The following SNX29 variants were observed in gnomAD, a reference collection of about 807,000 sequenced individuals.
SNX29 encodes the protein sorting nexin-29.
SNX29 carries 78 observed loss-of-function variants against 102.1 expected under a neutral mutation model. That is an observed-to-expected ratio of 0.76 (90% CI 0.64 to 0.92). SNX29 has a LOEUF of 0.92. SNX29 is among the 40% of genes least tolerant of loss of function. The pLI is 0.00. For missense variants in SNX29, 1,280 were observed against 1,061.7 expected, an observed-to-expected ratio of 1.21 and a Z score of -2.86; for synonymous variants, 580 against 414.5, an observed-to-expected ratio of 1.40 and a Z score of -4.85.
At chr16:12,277,404 C>CA (rs2079286022) in intron 14 of SNX29, among the ~76,000 whole-genome samples, 2 of 151,758 alleles carry the variant, frequency 1.3e-5, no homozygotes, top group Non-Finnish European at 2.9e-5. Flanking sequence ...GACCCCATCT[C>CA]AAAAAAACAA....
chr16:12,394,285 C>G (rs1231037234), intron 16 of SNX29, among the ~76,000 whole-genome samples: 2 of 149,394 alleles, frequency 1.3e-5, no homozygotes, highest in Non-Finnish European at 2.9e-5. Context: ...ACTTGATCTT[C>G]TGGGCATCCC....
chr16:12,337,768 A>G (rs1273172200), intron 15 of SNX29, among the ~76,000 whole-genome samples: 1 of 152,200 alleles, frequency 6.6e-6, no homozygotes, highest in Non-Finnish European at 1.5e-5. Context: ...AGTGAGGACA[A>G]TGGCCTCATG....
intron 14 of SNX29, among the ~76,000 whole-genome samples, chr16:12,211,826 T>C (rs2077192268): frequency 6.6e-6 from 1 of 152,178 alleles, no homozygotes; most frequent in African/African-American, 2.4e-5. Flanking sequence ...CCCACTCTCA[T>C]TATGGAAGAT....
At chr16:12,081,028 T>C (rs2051848500) in intron 11 of SNX29, among the ~76,000 whole-genome samples, 1 of 152,174 alleles carries the variant, frequency 6.6e-6, no homozygotes, top group Non-Finnish European at 1.5e-5. Flanking sequence ...AATTCCTTTA[T>C]TTTTTGAAAA....
intron 13 of SNX29, among the ~76,000 whole-genome samples, chr16:12,144,370 T>C (rs942638827): frequency 6.6e-6 from 1 of 152,226 alleles, no homozygotes; most frequent in Non-Finnish European, 1.5e-5. Flanking sequence ...ACATGTAGGT[T>C]TGTGCTATGG....
chr16:12,284,149 C>A (rs546849223), intron 15 of SNX29, among the ~76,000 whole-genome samples: 2 of 152,334 alleles, frequency 1.3e-5, no homozygotes, highest in East Asian at 3.9e-4. Context: ...GAAGTGTTGG[C>A]GACATTCGGA....
At chr16:12,097,196 A>G (rs1475774342) in intron 11 of SNX29, among the ~76,000 whole-genome samples, 1 of 152,228 alleles carries the variant, frequency 6.6e-6, no homozygotes, top group African/African-American at 2.4e-5. Context: ...TAACTCACGC[A>G]TGTCTGCGAT....
chr16:12,568,879 G>A lies in SNX29; in HGVS notation c.*250G>A, dbSNP rs2079123358. The A allele has an allele frequency of 7.0e-6, 4 of 568,054 alleles. No individual in the cohort carries two copies. The highest frequency in any genetic ancestry group is 3.2e-5 in the East Asian group (1 of 30,776). 35.2% of individuals were successfully genotyped at this position (568,054 alleles called of 1,614,324 possible). ...GGACACACAGTCCTTCTGCTTCTGG[G>A]GTCTACCCTGGGCTGCAAGGGCTGT... On this transcript the variant is annotated 3_prime_UTR_variant, in exon 21 of 21. Coordinates refer to ENST00000566228, the MANE Select transcript of SNX29 (RefSeq NM_032167.5).
Position 12,571,697 on chromosome 16 carries a change from C to A in SNX29, c.*3068C>A. On this transcript the variant is annotated 3_prime_UTR_variant, in exon 21 of 21. Coordinates refer to ENST00000566228, the MANE Select transcript of SNX29 (RefSeq NM_032167.5). ...AGAGGTGTCTCTCCTTGAGAGACAA[C>A]AAAAGCTTCTAAGGGAGGGAGCTTA... The A allele has an allele frequency of 1.9e-6, 2 of 1,059,952 alleles. No individual in the cohort carries two copies. The highest frequency in any genetic ancestry group is 2.3e-6 in the Non-Finnish European group (2 of 875,902). The allele number at this position is 1,059,952 out of a possible 1,614,324, so 65.7% of individuals were successfully genotyped here.
chr16:11,995,862 C>T (rs1377834040), intron 1 of SNX29, among the ~76,000 whole-genome samples: 1 of 151,940 alleles, frequency 6.6e-6, no homozygotes, highest in Non-Finnish European at 1.5e-5. Context: ...GAGTTTAAGA[C>T]CAGCCTGGCC....
At chr16:12,268,193 T>C (rs540665222) in intron 14 of SNX29, among the ~76,000 whole-genome samples, 1 of 152,364 alleles carries the variant, frequency 6.6e-6, no homozygotes, top group East Asian at 1.9e-4. Flanking sequence ...TCCTCTGGCC[T>C]GGCATATTAA....
At chr16:12,421,446 G>C (rs2084866853) in intron 18 of SNX29, among the ~76,000 whole-genome samples, 1 of 152,196 alleles carries the variant, frequency 6.6e-6, no homozygotes, top group South Asian at 2.1e-4. Context: ...TTAAAAGCCA[G>C]CTGTGTTGTA....
At chr16:12,556,853 A>G (rs1329607966) in intron 20 of SNX29, among the ~76,000 whole-genome samples, 1 of 151,816 alleles carries the variant, frequency 6.6e-6, no homozygotes, top group Non-Finnish European at 1.5e-5. Context: ...GGTGGAAAAA[A>G]TTGAATTTTT....
chr16:12,296,772 C>G (rs1199682784), intron 15 of SNX29, among the ~76,000 whole-genome samples: 1 of 152,224 alleles, frequency 6.6e-6, no homozygotes, highest in African/African-American at 2.4e-5. Context: ...ACATTTACTG[C>G]TCATAAACAC....
intron 18 of SNX29, among the ~76,000 whole-genome samples, chr16:12,430,956 G>T (rs1342857111): frequency 1.3e-5 from 2 of 151,418 alleles, no homozygotes; most frequent in African/African-American, 2.4e-5. Context: ...GGGTTCAAAT[G>T]ATTCTCCTGC....
chr16:12,566,519 C>T (rs139372006), intron 20 of SNX29, among the ~76,000 whole-genome samples: 8 of 152,316 alleles, frequency 5.3e-5, no homozygotes, highest in South Asian at 4.1e-4. Flanking sequence ...GCTCAGACCC[C>T]GCATCTGAAG....
rs147309749 is a variant in SNX29 at position 12,447,872 on chromosome 16, C to G, written c.2038-29847C>G. 2.5e-4 allele frequency among the ~76,000 whole-genome samples: 38 copies of G among 152,288 alleles called. No individual in the cohort carries two copies. In the East Asian group the frequency reaches 7.0e-3, roughly 28 times the overall value. Reference sequence around the variant, plus strand: ...CCTCTCAACACACATCTGAGTGTCTCCATTGCTGGCACGGTTGTCAGGAAG... The same window carrying G: ...CCTCTCAACACACATCTGAGTGTCTGCATTGCTGGCACGGTTGTCAGGAAG... On this transcript the variant is annotated intron_variant, in intron 18 of 20. Transcript: ENST00000566228.
intron 15 of SNX29, among the ~76,000 whole-genome samples, chr16:12,327,587 A>AG (rs1485726734): frequency 6.6e-6 from 1 of 152,136 alleles, no homozygotes; most frequent in Non-Finnish European, 1.5e-5. Context: ...ATTTACCCTT[A>AG]GTTACCTCCT....
intron 20 of SNX29, among the ~76,000 whole-genome samples, chr16:12,542,759 CTT>C (rs36004047): frequency 4.5e-4 from 65 of 144,652 alleles, no homozygotes; most frequent in African/African-American, 8.9e-4. Flanking sequence ...CTATCACTGC[CTT>C]TTTTTTTTTT....
Sources: gnomAD v4.1 joint callset for allele counts (sites outside exome capture counted in the v4.1 genomes callset) on GRCh38, gnomAD v4.1.1 for gene constraint, MANE v1.5 for transcripts, NCBI Gene and HGNC (gene_info 2026-07-23, HGNC 2026-07-21) for gene names.